Variants in SPCS1 observed in about 807,000 individuals in gnomAD.
SPCS1 encodes the protein signal peptidase complex subunit 1.
A neutral mutation model predicts 16.4 loss-of-function variants in SPCS1; 10 were observed. That is an observed-to-expected ratio of 0.61 (90% CI 0.38 to 1.03). The LOEUF (loss-of-function observed/expected upper bound fraction) is 1.03. Ranked by LOEUF, SPCS1 falls within the 50% of genes least tolerant of loss-of-function variation. The pLI, the probability that SPCS1 is intolerant of heterozygous loss-of-function variation, is 0.01. For synonymous variants in SPCS1, 47 were observed against 42.5 expected (o/e 1.10, Z -0.41); for missense variants, 118 against 123.8 (o/e 0.95, Z 0.22).
chr3:52,707,105 C>T, intron 3 of SPCS1: 1 of 534,372 alleles, frequency 1.9e-6, no homozygotes. Flanking sequence ...GGCTAATAAT[C>T]TTAAGGTCAA....
chr3:52,706,147 C>T lies in SPCS1; in HGVS notation c.-100C>T. 3 of 1,542,302 alleles carry T rather than the reference C, an allele frequency of 1.9e-6. No individual in the cohort carries two copies. Among genetic ancestry groups the T allele is most frequent in the Non-Finnish European group, 2.6e-6 (3 of 1,147,672 alleles). On this transcript the variant is annotated 5_prime_UTR_variant, in exon 1 of 4. In the 5' UTR this introduces an upstream ATG that the reference lacks. Transcript: ENST00000619898. ...CGGGCTTAGAAGGCCCGGCTACTGA[C>T]GCGCAGTGCCAGACCTTACCCCTCA...
At chr3:52,707,513 A>G in intron 3 of SPCS1, 174 bp from the exon 4 acceptor site, 2 of 631,188 alleles carry the variant, frequency 3.2e-6, no homozygotes, top group Non-Finnish European at 5.4e-6. Flanking sequence ...TGTTCCCATC[A>G]TCATACAGTA....
At chr3:52,707,507 C>A in intron 3 of SPCS1, 180 bp from the exon 4 acceptor site, 1 of 612,320 alleles carries the variant, frequency 1.6e-6, no homozygotes, top group Non-Finnish European at 2.8e-6. Flanking sequence ...TGAGCCTGTT[C>A]CCATCATCAT....
Position 52,707,779 on chromosome 3 carries a change from A to G in SPCS1, c.276A>G (p.Glu92=). 6.2e-7 allele frequency: 1 copy of G among 1,614,164 alleles called. No individual in the cohort carries two copies. The highest frequency in any genetic ancestry group is 8.5e-7 in the Non-Finnish European group (1 of 1,180,028). The change falls in exon 4 of 4, where the codon GAA becomes GAG. Residue 92 remains glutamate, a synonymous_variant. Transcript: ENST00000619898. ...GCACAGACGACAAGAAACCAGGGGA[A>G]AGAAAAATTAAGAGGCATGCTAAAA... ...ESSTDDKKPG[E]RKIKRHAKNN is the part of the protein sequence containing the mutation.
At chr3:52,706,441 T>C in intron 1 of SPCS1, 159 bp downstream of exon 1, 1 of 852,028 alleles carries the variant, frequency 1.2e-6, no homozygotes. Context: ...TCTCTTCTAC[T>C]CCGCGAGAAT....
At chr3:52,706,439 A>C in intron 1 of SPCS1, 157 bp downstream of exon 1, 1 of 863,380 alleles carries the variant, frequency 1.2e-6, no homozygotes, top group Non-Finnish European at 1.7e-6. Context: ...CTTCTCTTCT[A>C]CTCCGCGAGA....
chr3:52,708,052 G>T lies in SPCS1; in HGVS notation c.*240G>T, dbSNP rs887631456. 1.8e-5 allele frequency: 6 copies of T among 338,094 alleles called. No individual in the cohort carries two copies. The highest frequency in any genetic ancestry group is 5.4e-6 in the Non-Finnish European group (1 of 183,690). The allele number at this position is 338,094 out of a possible 1,614,324, so 20.9% of individuals were successfully genotyped here. ...ACACACAAGTATGAAGTTTCTTTCA[G>T]GTGTAAATAATGAAAAATAAATGCC... On this transcript the variant is annotated 3_prime_UTR_variant, in exon 4 of 4. Coordinates refer to ENST00000619898, the MANE Select transcript of SPCS1 (RefSeq NM_014041.5).
Position 52,706,276 on chromosome 3 carries a change from G to A in SPCS1, c.30G>A (p.Thr10=), listed in dbSNP as rs140030572. Residue 10 remains threonine (T), a synonymous_variant, in exon 1 of 4, where the codon ACG becomes ACA. Coordinates refer to ENST00000619898, the MANE Select transcript of SPCS1 (RefSeq NM_014041.5). The part of the protein sequence containing the change: MLEHLSSLP[T]QMDYKGQKLA... The stretch of plus-strand genomic sequence containing the variant: ...TGGAGCATCTGAGCTCGCTGCCCAC[G>A]CAGATGGTGAGGGCGCAACCCGGGG... 176 of 1,595,236 alleles carry A rather than the reference G, an allele frequency of 1.1e-4. No individual in the cohort carries two copies. In the African/African-American group the frequency reaches 2.0e-3, roughly 18 times the overall value.
rs2097348513 is a variant in SPCS1 at position 52,709,724 on chromosome 3, A to G, written c.*1912A>G. Reference sequence around the variant, plus strand: ...TCAAAAAAAAAAAAAAAAAAAAAAGATATGGGTGAGATTCCTTTAATTCTA... The same window carrying G: ...TCAAAAAAAAAAAAAAAAAAAAAAGGTATGGGTGAGATTCCTTTAATTCTA... On this transcript the variant is annotated 3_prime_UTR_variant, in exon 4 of 4. Transcript: ENST00000619898. 6.7e-6 allele frequency: 1 copy of G among 149,404 alleles called. No individual in the cohort carries two copies. Among genetic ancestry groups the G allele is most frequent in the South Asian group, 2.1e-4 (1 of 4,734 alleles). The allele number at this position is 149,404 out of a possible 1,614,324, so 9.3% of individuals were successfully genotyped here.
chr3:52,707,619 C>T (rs2097345957), intron 3 of SPCS1, 68 bp from the exon 4 acceptor site: 4 of 1,532,956 alleles, frequency 2.6e-6, no homozygotes, highest in African/African-American at 1.4e-5. Flanking sequence ...GGGAACCTGG[C>T]ATTATACGTA....
chr3:52,706,358 C>G (rs2154101242), intron 1 of SPCS1, 76 bp downstream of exon 1: 1 of 1,454,874 alleles, frequency 6.9e-7, no homozygotes, highest in Non-Finnish European at 9.3e-7. Context: ...GGAGCACCGA[C>G]CCGGTGCTGC....
In SPCS1 at chr3:52,709,566, T is replaced by TG. The variant is rs2097348333; in HGVS notation, c.*1756dup. 1 of 151,624 alleles carries TG rather than the reference T, an allele frequency of 6.6e-6. No homozygotes were observed. The highest frequency in any genetic ancestry group is 2.4e-5 in the African/African-American group (1 of 41,218). The allele number at this position is 151,624 out of a possible 1,614,324, so 9.4% of individuals were successfully genotyped here. On this transcript the variant is annotated 3_prime_UTR_variant, in exon 4 of 4. Coordinates refer to ENST00000619898, the MANE Select transcript of SPCS1 (RefSeq NM_014041.5). ...AATTTTAAAAATTAGCCAGGTGTGG[T>TG]GGTGCATGCCTGTGGTCCTAGCTAC... is the stretch of plus-strand genomic sequence containing the variant.
Position 52,707,263 on chromosome 3 carries a change from G to A in SPCS1, c.183+384G>A, listed in dbSNP as rs182465283. On this transcript the variant is annotated intron_variant, in intron 3 of 3. Coordinates refer to ENST00000619898, the MANE Select transcript of SPCS1 (RefSeq NM_014041.5). ...CGGCTCACTGCACCTTCTGCCTCCC[G>A]GGTTTAATAGATTTTCCTGCCTCAG... is the stretch of plus-strand genomic sequence containing the variant. 2.5e-3 allele frequency: 518 copies of A among 203,900 alleles called. 4 individuals carry two copies. Among genetic ancestry groups the A allele is most frequent in the Non-Finnish European group, 3.3e-3 (325 of 99,802 alleles). The allele number at this position is 203,900 out of a possible 1,614,324, so 12.6% of individuals were successfully genotyped here. A position where few individuals can be genotyped will look rare whatever the true frequency, so the allele number is the denominator to read the frequency against.
chr3:52,706,772 A>G (rs1157502584), intron 2 of SPCS1, 21 bp from the exon 3 acceptor site: 27 of 1,611,952 alleles, frequency 1.7e-5, no homozygotes, highest in Non-Finnish European at 2.2e-5. Flanking sequence ...AGTGTGTTTA[A>G]TATACTTCAT....
Position 52,706,224 on chromosome 3 carries a change from G to A in SPCS1, c.-23G>A, listed in dbSNP as rs754430599. On this transcript the variant is annotated 5_prime_UTR_variant, in exon 1 of 4. Transcript: ENST00000619898. ...CCTCGCAGCCTGCCACCCGCGCTCA[G>A]CTGCCCGCCTCCTCAGCCAGCCATG... 66 of 1,582,328 alleles carry A rather than the reference G, an allele frequency of 4.2e-5. No individual in the cohort carries two copies. The highest frequency in any genetic ancestry group is 4.9e-5 in the Non-Finnish European group (57 of 1,171,876).
At position 52,707,699 on chromosome 3, in the gene SPCS1, C is replaced by T. The variant is rs2097346089; in HGVS notation, c.196C>T (p.Pro66Ser). The change falls in exon 4 of 4, where the codon CCA becomes TCA. Residue 66 changes from proline (P) to serine (S), a missense_variant. Physicochemically the swap from Pro to Ser is moderately conservative, Grantham distance 74. Coordinates refer to ENST00000619898, the MANE Select transcript of SPCS1 (RefSeq NM_014041.5). Reference protein sequence around the residue: ...FAFSCLLTLPPWPIYRRHPLK... With the variant: ...FAFSCLLTLPSWPIYRRHPLK... Reference sequence around the variant, plus strand: ...TTTTCTGGCCCAGCTGACACTTCCTCCATGGCCCATCTATCGCCGGCATCC... The same window carrying T: ...TTTTCTGGCCCAGCTGACACTTCCTTCATGGCCCATCTATCGCCGGCATCC... 2 of 1,614,014 alleles carry T rather than the reference C, an allele frequency of 1.2e-6. No individual in the cohort carries two copies. Among genetic ancestry groups the T allele is most frequent in the Non-Finnish European group, 1.7e-6 (2 of 1,179,964 alleles).
rs1384356825 is a variant in SPCS1 at position 52,709,568 on chromosome 3, G to T, written c.*1756G>T. 1 of 151,814 alleles carries T rather than the reference G, an allele frequency of 6.6e-6. No homozygotes were observed. Among genetic ancestry groups the T allele is most frequent in the Non-Finnish European group, 1.5e-5 (1 of 68,046 alleles). 9.4% of individuals were successfully genotyped at this position (151,814 alleles called of 1,614,324 possible). ...TTTTAAAAATTAGCCAGGTGTGGTG[G>T]TGCATGCCTGTGGTCCTAGCTACTT... On this transcript the variant is annotated 3_prime_UTR_variant, in exon 4 of 4. Transcript: ENST00000619898.
chr3:52,707,926 TTTAG>T lies in SPCS1; in HGVS notation c.*117_*120del. ...CTCTTATGGCACAGCTGTGTATAGATTTAGTTCTCTTTATACTTCATTTCTAGCC... is the reference window on the plus strand; with the variant it reads ...CTCTTATGGCACAGCTGTGTATAGATTTCTCTTTATACTTCATTTCTAGCC... On this transcript the variant is annotated 3_prime_UTR_variant, in exon 4 of 4. Coordinates refer to ENST00000619898, the MANE Select transcript of SPCS1 (RefSeq NM_014041.5). 1 of 1,283,078 alleles carries T rather than the reference TTTAG, an allele frequency of 7.8e-7. No individual in the cohort carries two copies. The highest frequency in any genetic ancestry group is 1.4e-5 in the South Asian group (1 of 73,148). The allele number at this position is 1,283,078 out of a possible 1,614,324, so 79.5% of individuals were successfully genotyped here.
In SPCS1 at chr3:52,707,668, T is replaced by G. The variant is rs1268894206; in HGVS notation, c.184-19T>G. On this transcript the variant is annotated intron_variant, in intron 3 of 3. Transcript: ENST00000619898. ...CTTTTAATAGCTATAATTTATGCAT[T>G]TCCTCTTTTCTGGCCCAGCTGACAC... 6.2e-7 allele frequency: 1 copy of G among 1,608,968 alleles called. No individual in the cohort carries two copies. Among genetic ancestry groups the G allele is most frequent in the African/African-American group, 1.3e-5 (1 of 74,478 alleles).
Sources: allele counts gnomAD v4.1 joint callset, GRCh38; gene constraint gnomAD v4.1.1; transcripts MANE v1.5; gene names NCBI Gene and HGNC (gene_info 2026-07-23, HGNC 2026-07-21).